The following PLA2G12B variants were observed in gnomAD, a reference collection of about 807,000 sequenced individuals.
The protein encoded by PLA2G12B is phospholipase A2 group XIIB.
PLA2G12B carries 19 observed loss-of-function variants against 22.3 expected under a neutral mutation model. That is an observed-to-expected ratio of 0.85 (90% confidence interval 0.60 to 1.25). PLA2G12B has a LOEUF of 1.25. PLA2G12B is among the 50% of genes most tolerant of loss of function. PLA2G12B has a pLI of 0.00. For synonymous variants in PLA2G12B, 81 were observed against 94.9 expected (o/e 0.85, Z 0.85); for missense variants, 191 against 246.6 (o/e 0.77, Z 1.51).
Position 72,941,278 on chromosome 10 carries a change from A to G in PLA2G12B, c.357T>C (p.Tyr119=). 3.1e-6 allele frequency: 5 copies of G among 1,613,902 alleles called. No individual in the cohort carries two copies. The highest frequency in any genetic ancestry group is 1.7e-5 in the Admixed American group (1 of 60,026). ...TKCCNQLDVC[Y]DTCGANKYRC... is the part of the protein sequence containing the mutation. The stretch of plus-strand genomic sequence containing the variant: ...GATATTTGTTGGCACCGCAAGTGTC[A>G]TAACAGACATCCAGCTGGTTGCAGC... Residue 119 remains tyrosine (Y), a synonymous_variant, in exon 3 of 4, where the codon TAT becomes TAC. Coordinates refer to ENST00000373032, the MANE Select transcript of PLA2G12B (RefSeq NM_032562.5).
Position 72,935,658 on chromosome 10 carries a change from C to T in PLA2G12B, c.547G>A (p.Ala183Thr), listed in dbSNP as rs1354809507. Residue 183 changes from alanine (A) to threonine (T), a missense_variant, in exon 4 of 4, where the codon GCA (alanine) becomes ACA (threonine). By Grantham distance (58) the Ala-to-Thr change is moderately conservative (BLOSUM62 0). Transcript: ENST00000373032. Reference sequence around the variant, plus strand: ...TCCTCCTCTGCACAGATGCAAGCTGCCCGCTGACTATTCATAAAGGGGCGG... The same window carrying T: ...TCCTCCTCTGCACAGATGCAAGCTGTCCGCTGACTATTCATAAAGGGGCGG... The part of the protein sequence containing the change: ...GCRPFMNSQR[A>T]ACICAEEEKE... 1 of 1,614,076 alleles carries T rather than the reference C, an allele frequency of 6.2e-7. No homozygotes were observed. The highest frequency in any genetic ancestry group is 8.5e-7 in the Non-Finnish European group (1 of 1,180,028).
intron 3 of PLA2G12B, among the ~76,000 whole-genome samples, chr10:72,938,507 G>T (rs1462908402): frequency 2.0e-5 from 3 of 151,910 alleles, no homozygotes; most frequent in Non-Finnish European, 2.9e-5. Flanking sequence ...TAAGATCAAT[G>T]TACAAAAATC....
At chr10:72,938,403 T>C (rs1227753297) in intron 3 of PLA2G12B, among the ~76,000 whole-genome samples, 3 of 152,056 alleles carry the variant, frequency 2.0e-5, no homozygotes, top group African/African-American at 4.8e-5. Flanking sequence ...GAAGATGATA[T>C]GCAGATGGCA....
At chr10:72,935,992 C>T (rs1454271231) in intron 3 of PLA2G12B, among the ~76,000 whole-genome samples, 4 of 152,170 alleles carry the variant, frequency 2.6e-5, no homozygotes, top group Non-Finnish European at 5.9e-5. Flanking sequence ...CCCCACACCA[C>T]CATGCTCACT....
intron 2 of PLA2G12B, among the ~76,000 whole-genome samples, chr10:72,942,084 G>A (rs1324445932): frequency 1.3e-5 from 2 of 150,476 alleles, no homozygotes; most frequent in Non-Finnish European, 2.9e-5. Flanking sequence ...AGGAGTTCGA[G>A]ACCACTCTGG....
chr10:72,939,994 T>C (rs984594007), intron 3 of PLA2G12B, among the ~76,000 whole-genome samples: 4 of 152,170 alleles, frequency 2.6e-5, no homozygotes, highest in African/African-American at 9.7e-5. Flanking sequence ...GAAAGAGATA[T>C]TTGGGAGAAT....
chr10:72,946,376 T>G (rs1410320018), intron 1 of PLA2G12B, among the ~76,000 whole-genome samples: 2 of 152,266 alleles, frequency 1.3e-5, no homozygotes, highest in Non-Finnish European at 2.9e-5. Flanking sequence ...ACATTTGGGT[T>G]GTTTTCACCT....
chr10:72,944,585 C>T (rs1405558828), intron 1 of PLA2G12B, among the ~76,000 whole-genome samples: 1 of 152,164 alleles, frequency 6.6e-6, no homozygotes, highest in Non-Finnish European at 1.5e-5. Context: ...GTATAGTTCT[C>T]TATTTACTTA....
At chr10:72,952,486 G>T (rs551025992) in intron 1 of PLA2G12B, among the ~76,000 whole-genome samples, 5 of 152,172 alleles carry the variant, frequency 3.3e-5, no homozygotes, top group Non-Finnish European at 5.9e-5. Context: ...GCCCTCCAGG[G>T]GCTTCAATTC....
intron 1 of PLA2G12B, among the ~76,000 whole-genome samples, chr10:72,952,664 C>T (rs1188804433): frequency 1.3e-5 from 2 of 152,204 alleles, no homozygotes; most frequent in African/African-American, 2.4e-5. Flanking sequence ...TGGGCACAGC[C>T]GCCAGGTTTT....
At chr10:72,953,723 A>T (rs1846569789) in intron 1 of PLA2G12B, among the ~76,000 whole-genome samples, 1 of 151,936 alleles carries the variant, frequency 6.6e-6, no homozygotes, top group Non-Finnish European at 1.5e-5. Flanking sequence ...TGTGCACCTT[A>T]TATCTGTGTA....
chr10:72,943,872 T>G (rs1475593941), intron 1 of PLA2G12B, among the ~76,000 whole-genome samples: 1 of 152,222 alleles, frequency 6.6e-6, no homozygotes, highest in African/African-American at 2.4e-5. Flanking sequence ...TCTGCCTCTT[T>G]TTAGGAGATA....
intron 3 of PLA2G12B, among the ~76,000 whole-genome samples, chr10:72,939,088 G>A (rs2132963130): frequency 6.6e-6 from 1 of 152,316 alleles, no homozygotes; most frequent in Non-Finnish European, 1.5e-5. Flanking sequence ...CTGGGCAGGG[G>A]GAGTTTGGGG....
chr10:72,944,438 T>A (rs1846409907), intron 1 of PLA2G12B, among the ~76,000 whole-genome samples: 1 of 152,212 alleles, frequency 6.6e-6, no homozygotes, highest in East Asian at 1.9e-4. Context: ...TTTTGCAATT[T>A]TTTTGAATTT....
chr10:72,938,115 G>GAA (rs78360766), intron 3 of PLA2G12B, among the ~76,000 whole-genome samples: 10 of 59,094 alleles, frequency 1.7e-4, no homozygotes, highest in East Asian at 4.4e-4. Context: ...CTCCATCTCA[G>GAA]AAAAAAAAAA....
chr10:72,939,130 C>A (rs1341042590), intron 3 of PLA2G12B, among the ~76,000 whole-genome samples: 1 of 152,140 alleles, frequency 6.6e-6, no homozygotes, highest in Admixed American at 6.5e-5. Flanking sequence ...GGCTCCTTTT[C>A]AGGGTGATGA....
At chr10:72,954,343 C>T in intron 1 of PLA2G12B, 132 bp downstream of exon 1, 1 of 1,083,056 alleles carries the variant, frequency 9.2e-7, no homozygotes, top group Non-Finnish European at 1.4e-6. Flanking sequence ...GGGTGTCCTA[C>T]ATTTTTATCT....
chr10:72,941,106 T>C (rs1386438318), intron 3 of PLA2G12B, 63 bp downstream of exon 3: 39 of 1,506,596 alleles, frequency 2.6e-5, no homozygotes, highest in Non-Finnish European at 3.6e-5. Context: ...GTTCTGGCTA[T>C]ATCTCGGTGT....
At chr10:72,948,757 T>C (rs1216239576) in intron 1 of PLA2G12B, among the ~76,000 whole-genome samples, 1 of 152,248 alleles carries the variant, frequency 6.6e-6, no homozygotes, top group Non-Finnish European at 1.5e-5. Flanking sequence ...GATGATTTTC[T>C]AATCAAGACA....
Sources: gnomAD v4.1 joint callset for allele counts (sites outside exome capture counted in the v4.1 genomes callset) on GRCh38, gnomAD v4.1.1 for gene constraint, MANE v1.5 for transcripts, NCBI Gene and HGNC (gene_info 2026-07-23, HGNC 2026-07-21) for gene names.